The following CEP44 variants were observed in gnomAD, a reference collection of about 807,000 sequenced individuals.
The protein encoded by CEP44 is centrosomal protein of 44 kDa.
A neutral mutation model predicts 46.7 loss-of-function variants in CEP44; 45 were observed. The ratio of observed to expected loss-of-function variants is 0.96; its 90% CI spans 0.76 to 1.24. CEP44 has a LOEUF of 1.24. Among genes scored for constraint, CEP44 ranks in the 50% most tolerant of loss-of-function variants. The probability of loss-of-function intolerance (pLI) is 0.00; values close to 1 mark genes in which losing one functional copy is unlikely to be tolerated. For synonymous variants in CEP44, 142 were observed against 146.0 expected (o/e 0.97, Z 0.20); for missense variants, 475 against 459.7 (o/e 1.03, Z -0.30).
chr4:174,308,658 A>T (rs1740721734), intron 6 of CEP44, 31 bp from the exon 7 acceptor site: 3 of 1,563,202 alleles, frequency 1.9e-6, no homozygotes, highest in Non-Finnish European at 2.6e-6. Flanking sequence ...GAAAACATTG[A>T]AGTGTTTCTT....
chr4:174,329,119 T>C lies in CEP44; in HGVS notation c.1087-2363T>C, dbSNP rs1228571632. 6.6e-6 allele frequency among the ~76,000 whole-genome samples: 1 copy of C among 152,042 alleles called. No individual in the cohort carries two copies. Among genetic ancestry groups the C allele is most frequent in the African/African-American group, 2.4e-5 (1 of 41,386 alleles). On this transcript the variant is annotated intron_variant, in intron 8 of 8. Transcript: ENST00000426172. This position sits in a 1 kb window ranked among gnomAD's most constrained non-coding sequence, Gnocchi z 4.0. ...GTGCCACTGCACCTGGATTTTTTTT[T>C]ATTGGTATTTTTTCGGATTTGGGAT...
Position 174,295,100 on chromosome 4 carries a change from C to G in CEP44, c.-147-2866C>G, listed in dbSNP as rs530275113. 1.4e-3 allele frequency among the ~76,000 whole-genome samples: 210 copies of G among 151,448 alleles called. 1 individual carries two copies. Among genetic ancestry groups the G allele is most frequent in the African/African-American group, 4.8e-3 (198 of 41,232 alleles). On this transcript the variant is annotated intron_variant, in intron 1 of 11. Coordinates refer to ENST00000503780, the MANE Select transcript of CEP44 (RefSeq NM_001040157.3). ...GGGGCTGATCCCCCCACCTCCCTCC[C>G]GGACGGGGCGGCTGGCCTGGCGGGG...
Position 174,297,303 on chromosome 4 carries a change from C to T in CEP44, c.-147-663C>T, listed in dbSNP as rs1739150538. Among the ~76,000 whole-genome samples, 1 of 151,568 alleles carries T rather than the reference C, an allele frequency of 6.6e-6. No individual in the cohort carries two copies. On this transcript the variant is annotated intron_variant, in intron 1 of 11. Transcript: ENST00000503780. The surrounding 1 kb of genome is among the most constrained non-coding windows in gnomAD (Gnocchi z 4.3). ...TTTTTTCTCTATATTATCTCTATTT[C>T]CACCAAATTTTTCTTCTCTGCTTAT... is the stretch of plus-strand genomic sequence containing the variant.
At chr4:174,317,305 T>C (rs776810665) in intron 11 of CEP44, 30 bp from the exon 12 acceptor site, 5 of 883,466 alleles carry the variant, frequency 5.7e-6, no homozygotes, top group Admixed American at 2.8e-5. Flanking sequence ...AATTATTGAT[T>C]TACTTAATAT....
In CEP44 at chr4:174,311,314, TTAGGA is replaced by T. The variant is rs1361865089; in HGVS notation, c.961+461_961+465del. ...ATGATAAAATGGGAAAGATCTGATATTAGGATAGGTCTTTTCCTGGTCACTTTACT... is the reference window on the plus strand; with the variant it reads ...ATGATAAAATGGGAAAGATCTGATATTAGGTCTTTTCCTGGTCACTTTACT... On this transcript the variant is annotated intron_variant, in intron 9 of 11. Transcript: ENST00000503780. This position sits in a 1 kb window ranked among gnomAD's most constrained non-coding sequence, Gnocchi z 4.4. Among the ~76,000 whole-genome samples, 1 of 152,062 alleles carries T rather than the reference TTAGGA, an allele frequency of 6.6e-6. No individual in the cohort carries two copies. The highest frequency in any genetic ancestry group is 1.5e-5 in the Non-Finnish European group (1 of 67,930).
chr4:174,325,039 C>T (rs1172843957), downstream of CEP44, among the ~76,000 whole-genome samples: 2 of 152,120 alleles, frequency 1.3e-5, no homozygotes, highest in Non-Finnish European at 2.9e-5. The surrounding 1 kb of genome is among the most constrained non-coding windows in gnomAD (Gnocchi z 4.4). Flanking sequence ...CCTCCCTCAC[C>T]AACATGGTGA....
chr4:174,317,160 G>A (rs528463990), intron 11 of CEP44, among the ~76,000 whole-genome samples, 175 bp from the exon 12 acceptor site: 2 of 151,864 alleles, frequency 1.3e-5, no homozygotes, highest in Non-Finnish European at 2.9e-5. Context: ...ACTCATAATC[G>A]ACTCCTCTTT....
chr4:174,292,795 T>G (rs989183188), intron 1 of CEP44, among the ~76,000 whole-genome samples: 3 of 152,188 alleles, frequency 2.0e-5, no homozygotes, highest in African/African-American at 7.2e-5. Flanking sequence ...CTATCTGGGT[T>G]TGTTTATTTG....
At position 174,299,097 on chromosome 4, in the gene CEP44, T is replaced by C. The variant is rs780214478; in HGVS notation, c.-25T>C. 2 of 1,591,290 alleles carry C rather than the reference T, an allele frequency of 1.3e-6. No individual in the cohort carries two copies. Among genetic ancestry groups the C allele is most frequent in the Non-Finnish European group, 1.7e-6 (2 of 1,164,032 alleles). ...GTGAAAAATTAGACGATTTCAAGAA[T>C]TGGAGCTGAATCTGATGTTAAGTAA... On this transcript the variant is annotated 5_prime_UTR_variant, in exon 3 of 12. Coordinates refer to ENST00000503780, the MANE Select transcript of CEP44 (RefSeq NM_001040157.3).
rs1739714560 is a variant in CEP44, at chr4:174,301,564, C to G, written c.90-475C>G. Among the ~76,000 whole-genome samples, 1 of 152,118 alleles carries G rather than the reference C, an allele frequency of 6.6e-6. No individual in the cohort carries two copies. Among genetic ancestry groups the G allele is most frequent in the African/African-American group, 2.4e-5 (1 of 41,426 alleles). The stretch of plus-strand genomic sequence containing the variant: ...AGTGAAAAGTAATAGACTGGTCAAC[C>G]AAGTCACAGTTCATGCTTTTTCCCA... On this transcript the variant is annotated intron_variant, in intron 3 of 11. Transcript: ENST00000503780. The surrounding 1 kb of genome is among the most constrained non-coding windows in gnomAD (Gnocchi z 4.3).
At chr4:174,316,071 A>T in intron 9 of CEP44, 95 bp from the exon 10 acceptor site, 2 of 1,440,494 alleles carry the variant, frequency 1.4e-6, no homozygotes, top group Non-Finnish European at 1.9e-6. Flanking sequence ...TTTTAATTAA[A>T]ATAGTATGTT....
At chr4:174,327,267 G>A (rs1339142642) in intron 8 of CEP44, among the ~76,000 whole-genome samples, 2 of 150,994 alleles carry the variant, frequency 1.3e-5, no homozygotes, top group African/African-American at 4.9e-5. Context: ...TGAACTTTAT[G>A]TAGAAAATTA....
chr4:174,284,198 C>T (rs1737283314), intron 1 of CEP44: 2 of 397,630 alleles, frequency 5.0e-6, no homozygotes, highest in Non-Finnish European at 8.8e-6. Flanking sequence ...TCGCCTCTCT[C>T]CGCCGTCCTT....
In CEP44 at chr4:174,298,449, A is replaced by G. The variant is rs549245300; in HGVS notation, c.-51+387A>G. The stretch of plus-strand genomic sequence containing the variant: ...CTCGGCCTCCCAAAGTGCTGGGATT[A>G]CAGGCGTGAGCCACCGCGCCCAGCC... On this transcript the variant is annotated intron_variant, in intron 2 of 11. Transcript: ENST00000503780. 7.2e-5 allele frequency among the ~76,000 whole-genome samples: 11 copies of G among 152,278 alleles called. 1 individual carries two copies. In the South Asian group the frequency reaches 2.3e-3, roughly 32 times the overall value.
At chr4:174,302,570 T>C (rs1739859071) in intron 4 of CEP44, among the ~76,000 whole-genome samples, 1 of 152,096 alleles carries the variant, frequency 6.6e-6, no homozygotes, top group Non-Finnish European at 1.5e-5. Context: ...CTGACATTTT[T>C]TTTTTATTAA....
Position 174,329,949 on chromosome 4 carries a change from C to G in CEP44, c.1087-1533C>G, listed in dbSNP as rs145250498. On this transcript the variant is annotated intron_variant, in intron 8 of 8. Transcript: ENST00000426172. The surrounding 1 kb of genome is among the most constrained non-coding windows in gnomAD (Gnocchi z 4.0). The stretch of plus-strand genomic sequence containing the variant: ...TATTATAGTTTCAACTTTCATACTT[C>G]GTATTAAAATGATTGTATAAGAAAA... Among the ~76,000 whole-genome samples, 5 of 151,894 alleles carry G rather than the reference C, an allele frequency of 3.3e-5. No individual in the cohort carries two copies. The highest frequency in any genetic ancestry group is 1.3e-4 in the Admixed American group (2 of 15,250).
chr4:174,319,061 G>C lies in CEP44; in HGVS notation c.*1678G>C. On this transcript the variant is annotated 3_prime_UTR_variant, in exon 12 of 12. Coordinates refer to ENST00000503780, the MANE Select transcript of CEP44 (RefSeq NM_001040157.3). The stretch of plus-strand genomic sequence containing the variant: ...TGAGCTAAAGCTACTCGCCCACCTG[G>C]ATGTCCCAAAGTGCTAGATTCCATG... The C allele has an allele frequency of 3.9e-6, 3 of 776,736 alleles. No homozygotes were observed. The highest frequency in any genetic ancestry group is 4.7e-6 in the Non-Finnish European group (3 of 640,318). 48.1% of individuals were successfully genotyped at this position (776,736 alleles called of 1,614,324 possible).
At chr4:174,295,212 G>A (rs1032306079) in intron 1 of CEP44, among the ~76,000 whole-genome samples, 2 of 145,394 alleles carry the variant, frequency 1.4e-5, no homozygotes, top group Admixed American at 6.8e-5. Context: ...CGGGCGGAGG[G>A]GCTCCTCACT....
In CEP44 at chr4:174,319,433, A is replaced by T; in HGVS notation, c.*2050A>T. ...GTGATTTCCCATCAAACAGGATAAT[A>T]TTTTTTCCCTTTTGAAAAATTCAAT... On this transcript the variant is annotated 3_prime_UTR_variant, in exon 12 of 12. Transcript: ENST00000503780. 1 of 981,754 alleles carries T rather than the reference A, an allele frequency of 1.0e-6. No individual in the cohort carries two copies. The highest frequency in any genetic ancestry group is 1.2e-6 in the Non-Finnish European group (1 of 826,706). The allele number at this position is 981,754 out of a possible 1,614,324, so 60.8% of individuals were successfully genotyped here. A position where few individuals can be genotyped will look rare whatever the true frequency, so the allele number is the denominator to read the frequency against.
Sources: allele counts gnomAD v4.1 joint callset (sites outside exome capture counted in the v4.1 genomes callset), GRCh38; gene constraint gnomAD v4.1.1; non-coding constraint Gnocchi (gnomAD v3.1); transcripts MANE v1.5; gene names NCBI Gene and HGNC (gene_info 2026-07-23, HGNC 2026-07-21).